Variants in FIGN observed in about 807,000 individuals in gnomAD.
The protein encoded by FIGN is fidgetin.
FIGN carries 11 observed loss-of-function variants against 51.3 expected under a neutral mutation model. That is an observed-to-expected ratio of 0.21 (90% CI 0.13 to 0.35). The LOEUF (loss-of-function observed/expected upper bound fraction) is 0.35, where lower values mean the gene tolerates loss of function less well. Among genes scored for constraint, FIGN ranks in the 10% least tolerant of loss-of-function variants. The probability of loss-of-function intolerance (pLI) is 1.00; values close to 1 mark genes in which losing one functional copy is unlikely to be tolerated. For synonymous variants in FIGN, 407 were observed against 363.2 expected (o/e 1.12, Z -1.37); for missense variants, 857 against 943.6 (o/e 0.91, Z 1.20).
chr2:163,684,748 T>G (rs1684118195), intron 2 of FIGN, among the ~76,000 whole-genome samples: 1 of 152,110 alleles, frequency 6.6e-6, no homozygotes, highest in South Asian at 2.1e-4. Flanking sequence ...AAATGCGTAT[T>G]TTCATTATTG....
chr2:163,688,287 G>A (rs1684185971), intron 2 of FIGN, among the ~76,000 whole-genome samples: 5 of 152,182 alleles, frequency 3.3e-5, no homozygotes, highest in Non-Finnish European at 5.9e-5. Flanking sequence ...CTCAGGAATT[G>A]AAGACATGGT....
At chr2:163,629,952 C>CTTTTTTTTTTTTTTTTTTT (rs71297448) in intron 2 of FIGN, among the ~76,000 whole-genome samples, 5 of 56,936 alleles carry the variant, frequency 8.8e-5, no homozygotes, top group African/African-American at 3.7e-4. Context: ...GAAAGGGGCA[C>CTTTTTTTTTTTTTTTTTTT]TTTTTTTTTT....
At chr2:163,612,691 A>ACT in intron 2 of FIGN, 1 of 678,194 alleles carries the variant, frequency 1.5e-6, no homozygotes, top group Non-Finnish European at 1.7e-6. Context: ...AAGAGGGGAG[A>ACT]ATGTGTGTGT....
At chr2:163,624,156 G>A (rs758076193) in intron 2 of FIGN, among the ~76,000 whole-genome samples, 42 of 151,766 alleles carry the variant, frequency 2.8e-4, no homozygotes, top group South Asian at 4.2e-4. Context: ...ATTCCCTTAT[G>A]CTTTCTGAAA....
chr2:163,722,484 TCA>T (rs1235107019), intron 2 of FIGN, among the ~76,000 whole-genome samples: 8 of 152,342 alleles, frequency 5.3e-5, no homozygotes, highest in Admixed American at 5.2e-4. Context: ...TCTGGAAGTC[TCA>T]GAGTCTAATA....
At chr2:163,703,634 T>C (rs1315487997) in intron 2 of FIGN, among the ~76,000 whole-genome samples, 3 of 152,152 alleles carry the variant, frequency 2.0e-5, no homozygotes, top group Non-Finnish European at 4.4e-5. Context: ...CTTTGAACTC[T>C]GATTTTCACT....
intron 2 of FIGN, among the ~76,000 whole-genome samples, chr2:163,683,636 C>A (rs1029439069): frequency 9.9e-5 from 15 of 152,146 alleles, no homozygotes; most frequent in Admixed American, 3.3e-4. Flanking sequence ...ACTAGGTGCA[C>A]ATTGGAATTG....
intron 2 of FIGN, among the ~76,000 whole-genome samples, chr2:163,653,633 G>A (rs1683511993): frequency 6.6e-6 from 1 of 151,934 alleles, no homozygotes; most frequent in Non-Finnish European, 1.5e-5. Context: ...AAGTACTAAT[G>A]CTAATGTTTT....
chr2:163,612,068 A>G (rs372052490), intron 2 of FIGN, among the ~76,000 whole-genome samples: 5 of 152,230 alleles, frequency 3.3e-5, no homozygotes, highest in East Asian at 3.8e-4. Context: ...TTTGTAAGGA[A>G]TAAGTAAATC....
Position 163,629,578 on chromosome 2 carries a change from TAC to T in FIGN, c.26-17774_26-17773del, listed in dbSNP as rs1212173199. On this transcript the variant is annotated intron_variant, in intron 2 of 2. Coordinates refer to ENST00000333129, the MANE Select transcript of FIGN (RefSeq NM_018086.4). ...TGATCATTATCCATAGTCAGTAAAC[TAC>T]GTCAAATCTAGCAGGCCAAATCCAG... Among the ~76,000 whole-genome samples the T allele has an allele frequency of 3.3e-5, 5 of 152,162 alleles. No individual in the cohort carries two copies. The East Asian group carries it at 9.6e-4, about 29-fold the overall frequency.
chr2:163,679,313 G>A (rs1037893341), intron 2 of FIGN, among the ~76,000 whole-genome samples: 1 of 152,042 alleles, frequency 6.6e-6, no homozygotes. Context: ...GTAACATGGT[G>A]AAACCCCGTC....
chr2:163,724,106 T>C (rs556367933), intron 2 of FIGN, among the ~76,000 whole-genome samples: 81 of 152,316 alleles, frequency 5.3e-4, no homozygotes, highest in African/African-American at 1.9e-3. Context: ...TCATCTCTTC[T>C]TTTATAAAAA....
At position 163,604,183 on chromosome 2, in the gene FIGN, C is replaced by T. The variant is rs1691035267; in HGVS notation, c.*5369G>A. 6.6e-6 allele frequency: 1 copy of T among 151,954 alleles called. No individual in the cohort carries two copies. The highest frequency in any genetic ancestry group is 1.5e-5 in the Non-Finnish European group (1 of 67,936). The allele number at this position is 151,954 out of a possible 1,614,324, so 9.4% of individuals were successfully genotyped here. A position where few individuals can be genotyped will look rare whatever the true frequency, so the allele number is the denominator to read the frequency against. On this transcript the variant is annotated 3_prime_UTR_variant, in exon 3 of 3. Transcript: ENST00000333129. The stretch of plus-strand genomic sequence containing the variant: ...ACTATAGTTGAAAATAGTTAAGTAC[C>T]ATTATTTCTCTTAAATTTAGGAGCT...
chr2:163,676,479 A>C (rs1408224249), intron 2 of FIGN, among the ~76,000 whole-genome samples: 30 of 87,188 alleles, frequency 3.4e-4, no homozygotes, highest in Middle Eastern at 6.0e-3. Flanking sequence ...ATATATATAT[A>C]TATAACTAGA....
rs758283927 is a variant in FIGN, at chr2:163,610,107, C to A, written c.1725G>T (p.Arg575Ser). ...KIIHASFLVA[R>S]CRQPSVIFVS... is the part of the protein sequence containing the mutation. ...CAAAAATCACCGAGGGCTGGCGACA[C>A]CTGGCCACAAGAAAAGAGGCATGGA... is the stretch of plus-strand genomic sequence containing the variant. The change falls in exon 3 of 3, where the codon AGG becomes AGT. Residue 575 changes from arginine (R) to serine (S), a missense_variant. By Grantham distance (110) the Arg-to-Ser change is moderately radical. Transcript: ENST00000333129. 2.5e-6 allele frequency: 4 copies of A among 1,613,960 alleles called. No individual in the cohort carries two copies.
intron 2 of FIGN, among the ~76,000 whole-genome samples, chr2:163,729,343 T>C (rs1684890449): frequency 6.6e-6 from 1 of 151,972 alleles, no homozygotes; most frequent in Non-Finnish European, 1.5e-5. Context: ...GTATGTAAAA[T>C]ACCAGCAGAA....
intron 2 of FIGN, among the ~76,000 whole-genome samples, chr2:163,715,467 T>C (rs1180539960): frequency 6.6e-6 from 1 of 152,152 alleles, no homozygotes; most frequent in Non-Finnish European, 1.5e-5. Context: ...ATTCAGGCAA[T>C]GGACATGCTG....
chr2:163,680,734 T>A (rs1253223351), intron 2 of FIGN, among the ~76,000 whole-genome samples: 1 of 151,882 alleles, frequency 6.6e-6, no homozygotes. Context: ...CAGAGCTTCA[T>A]GCAGCCTCTT....
rs1445049474 is a variant in FIGN at position 163,610,641 on chromosome 2, C to T, written c.1191G>A (p.Arg397=). The T allele has an allele frequency of 1.2e-6, 2 of 1,614,136 alleles. No homozygotes were observed. The highest frequency in any genetic ancestry group is 8.5e-7 in the Non-Finnish European group (1 of 1,180,028). ...TACTGTAGGAAGGAGGGGTCAGAGC[C>T]CTACTGGACTGGCTGCTGAATTTCC... ...QQRKFSSQSS[R]ALTPPSYSTA... is the part of the protein sequence containing the mutation. The change falls in exon 3 of 3, where the codon AGG becomes AGA. Residue 397 remains arginine, a synonymous_variant. Coordinates refer to ENST00000333129, the MANE Select transcript of FIGN (RefSeq NM_018086.4).
Sources: gnomAD v4.1 joint callset for allele counts (sites outside exome capture counted in the v4.1 genomes callset) on GRCh38, gnomAD v4.1.1 for gene constraint, MANE v1.5 for transcripts, NCBI Gene and HGNC (gene_info 2026-07-23, HGNC 2026-07-21) for gene names.